MUSK: variants seen among roughly 807,000 people sequenced by gnomAD.
The protein encoded by MUSK is muscle associated receptor tyrosine kinase.
Under a neutral mutation model 88.7 loss-of-function variants are expected in MUSK, and 55 were observed. That is an observed-to-expected ratio of 0.62 (90% CI 0.50 to 0.78). MUSK has a LOEUF of 0.78. Among genes scored for constraint, MUSK ranks in the 30% least tolerant of loss-of-function variants. The probability of loss-of-function intolerance (pLI) is 0.00; values close to 1 mark genes in which losing one functional copy is unlikely to be tolerated. For missense variants in MUSK, 1,015 were observed against 1,074.3 expected, an observed-to-expected ratio of 0.94 and a Z score of 0.77; for synonymous variants, 387 against 391.9, an observed-to-expected ratio of 0.99 and a Z score of 0.15.
intron 3 of MUSK, among the ~76,000 whole-genome samples, chr9:110,689,596 T>A (rs1163843891): frequency 1.0e-5 from 1 of 99,874 alleles, no homozygotes; most frequent in Non-Finnish European, 1.8e-5. Context: ...ACATAATATA[T>A]AACATATTAT....
chr9:110,780,776 T>G (rs992104525), intron 11 of MUSK, among the ~76,000 whole-genome samples: 29 of 152,214 alleles, frequency 1.9e-4, no homozygotes, highest in Admixed American at 6.5e-5. Flanking sequence ...AACTTTTTGA[T>G]TTTTCCCTTT....
At chr9:110,749,969 A>C (rs73655617) in intron 7 of MUSK, among the ~76,000 whole-genome samples, 1 of 152,102 alleles carries the variant, frequency 6.6e-6, no homozygotes, top group Non-Finnish European at 1.5e-5. Context: ...CTGTCTTTGT[A>C]TTATTTGACA....
At chr9:110,686,627 A>G (rs1438159317) in intron 2 of MUSK, among the ~76,000 whole-genome samples, 1 of 152,180 alleles carries the variant, frequency 6.6e-6, no homozygotes, top group Non-Finnish European at 1.5e-5. Flanking sequence ...CCAAGTAACT[A>G]GAAGTGTGCC....
intron 3 of MUSK, among the ~76,000 whole-genome samples, chr9:110,693,408 T>A (rs2076383978): frequency 6.6e-6 from 1 of 152,072 alleles, no homozygotes; most frequent in Non-Finnish European, 1.5e-5. Context: ...GCTCCCGAGA[T>A]CCCCCAACCC....
chr9:110,723,444 G>A lies in MUSK; in HGVS notation c.629-10807G>A, dbSNP rs117811629. On this transcript the variant is annotated intron_variant, in intron 5 of 14. Transcript: ENST00000374448. ...AATGAGGATGCAAAGGCATAAGAAC[G>A]ACACATTAGACTTTGGGGACTCAGG... 3.2e-4 allele frequency among the ~76,000 whole-genome samples: 49 copies of A among 151,792 alleles called. No homozygotes were observed. In the East Asian group the frequency reaches 8.5e-3, roughly 26 times the overall value.
chr9:110,800,709 C>G lies in MUSK; in HGVS notation c.2331C>G (p.Asn777Lys). The change falls in exon 15 of 15, where the codon AAC (asparagine) becomes AAG (lysine). Residue 777 changes from asparagine to lysine, a missense_variant. Physicochemically the swap from Asn to Lys is moderately conservative, Grantham distance 94. Transcript: ENST00000374448. Reference protein sequence around the residue: ...RWMPPESIFYNRYTTESDVWA... With the variant: ...RWMPPESIFYKRYTTESDVWA... Reference sequence around the variant, plus strand: ...TGCCACCAGAGTCCATTTTTTATAACCGCTACACTACAGAGTCTGATGTGT... The same window carrying G: ...TGCCACCAGAGTCCATTTTTTATAAGCGCTACACTACAGAGTCTGATGTGT... 2.5e-6 allele frequency: 4 copies of G among 1,613,936 alleles called. No homozygotes were observed. Among genetic ancestry groups the G allele is most frequent in the Non-Finnish European group, 3.4e-6 (4 of 1,179,870 alleles).
chr9:110,788,381 C>T (rs1008695601), intron 14 of MUSK, among the ~76,000 whole-genome samples: 1 of 152,074 alleles, frequency 6.6e-6, no homozygotes. Context: ...CCTATAATCT[C>T]AGCACTTTAG....
intron 5 of MUSK, among the ~76,000 whole-genome samples, chr9:110,716,067 C>T (rs56720245): frequency 0.033 from 4,995 of 149,628 alleles, 229 homozygotes; most frequent in East Asian, 0.089. Context: ...AGCAAACCAC[C>T]GTGGCACACG....
intron 5 of MUSK, among the ~76,000 whole-genome samples, chr9:110,723,584 A>G (rs1233266064): frequency 6.6e-6 from 1 of 151,954 alleles, no homozygotes. Context: ...AAAAACTACA[A>G]CAATGTCAAA....
intron 5 of MUSK, among the ~76,000 whole-genome samples, chr9:110,701,690 CTTTA>C (rs2076511425): frequency 1.7e-4 from 1 of 5,982 alleles, no homozygotes; most frequent in Non-Finnish European, 3.2e-4. Context: ...TTTTACTTTA[CTTTA>C]TTTTATTTTA....
intron 5 of MUSK, chr9:110,706,128 G>T (rs757493038): frequency 1.9e-6 from 1 of 528,512 alleles, no homozygotes; most frequent in African/African-American, 1.9e-5. Context: ...AGCTAAGATC[G>T]TTCCTTAGCT....
chr9:110,671,701 A>T (rs968113504), intron 1 of MUSK, among the ~76,000 whole-genome samples: 8 of 152,190 alleles, frequency 5.3e-5, no homozygotes, highest in African/African-American at 1.9e-4. Flanking sequence ...AATTTCACAA[A>T]CTGTCATTTA....
At position 110,688,595 on chromosome 9, in the gene MUSK, C is replaced by T. The variant is rs999306382; in HGVS notation, c.358+1327C>T. ...TATTAAGCCTAGCATCCATTCTATT[C>T]TTCTTGATGTTCTCCCTCCCCACAC... On this transcript the variant is annotated intron_variant, in intron 3 of 14. Coordinates refer to ENST00000374448, the MANE Select transcript of MUSK (RefSeq NM_005592.4). Among the ~76,000 whole-genome samples, 6 of 151,942 alleles carry T rather than the reference C, an allele frequency of 3.9e-5. 1 individual carries two copies. The highest frequency in any genetic ancestry group is 1.5e-4 in the African/African-American group (6 of 41,378).
At chr9:110,765,555 A>G (rs1564276893) in intron 8 of MUSK, among the ~76,000 whole-genome samples, 1 of 148,766 alleles carries the variant, frequency 6.7e-6, no homozygotes, top group South Asian at 2.2e-4. Flanking sequence ...CTTCAGAATA[A>G]AGACCCCAGA....
intron 2 of MUSK, among the ~76,000 whole-genome samples, chr9:110,686,222 T>C (rs1423078454): frequency 6.6e-6 from 1 of 152,106 alleles, no homozygotes; most frequent in African/African-American, 2.4e-5. Flanking sequence ...GGCACTACTC[T>C]GACCTCTGCC....
At chr9:110,706,959 G>C (rs983266402) in intron 5 of MUSK, among the ~76,000 whole-genome samples, 1 of 151,988 alleles carries the variant, frequency 6.6e-6, no homozygotes, top group Non-Finnish European at 1.5e-5. Context: ...AGCTGAGATG[G>C]AGCCACTGAA....
chr9:110,747,667 T>G lies in MUSK; in HGVS notation c.780T>G (p.Ser260Arg), dbSNP rs886063353. 1 of 1,613,514 alleles carries G rather than the reference T, an allele frequency of 6.2e-7. No individual in the cohort carries two copies. Among genetic ancestry groups the G allele is most frequent in the African/African-American group, 1.3e-5 (1 of 74,882 alleles). Residue 260 changes from serine to arginine, a missense_variant, in exon 7 of 15, where the codon AGT becomes AGG. By Grantham distance (110) the Ser-to-Arg change is moderately radical. Coordinates refer to ENST00000374448, the MANE Select transcript of MUSK (RefSeq NM_005592.4). ...TTTCTTCTGGGTCCATTCAAGAGAG[T>G]GTGAAAGACCGAGTGATTGACTCAA... Reference protein sequence around the residue: ...NAVSSGSIQESVKDRVIDSRL... With the variant: ...NAVSSGSIQERVKDRVIDSRL...
In MUSK at chr9:110,687,195, C is replaced by T. The variant is rs1372157035; in HGVS notation, c.285C>T (p.Gly95=). ...TGAGTGTGGAAGACAGTGATGATGG[C>T]ATTTACTGCTGCACGGCCAACAATG... ...TILSVEDSDD[G]IYCCTANNGV... Residue 95 remains glycine, a synonymous_variant, in exon 3 of 15, where the codon GGC becomes GGT. Transcript: ENST00000374448. 6.2e-7 allele frequency: 1 copy of T among 1,613,826 alleles called. No homozygotes were observed. Among genetic ancestry groups the T allele is most frequent in the South Asian group, 1.1e-5 (1 of 91,072 alleles).
chr9:110,729,326 TAAAAAAAAA>T (rs34882321), intron 5 of MUSK, among the ~76,000 whole-genome samples: 4 of 97,432 alleles, frequency 4.1e-5, no homozygotes, highest in East Asian at 2.7e-4. Context: ...CTGTTTTCTG[TAAAAAAAAA>T]AAAAAAAAAG....
Sources: allele counts gnomAD v4.1 joint callset (sites outside exome capture counted in the v4.1 genomes callset), GRCh38; gene constraint gnomAD v4.1.1; transcripts MANE v1.5; gene names NCBI Gene and HGNC (gene_info 2026-07-23, HGNC 2026-07-21).